LMNA: variants seen among roughly 807,000 people sequenced by gnomAD.
LMNA encodes the protein lamin.
LMNA carries 20 observed loss-of-function variants against 70.4 expected under a neutral mutation model. The observed-to-expected ratio is 0.28, with a 90% CI of 0.20 to 0.41. The LOEUF (loss-of-function observed/expected upper bound fraction) is 0.41, where lower values mean the gene tolerates loss of function less well. Among genes scored for constraint, LMNA ranks in the 10% least tolerant of loss-of-function variants. The pLI is 1.00. For missense variants in LMNA, 652 were observed against 917.2 expected (o/e 0.71, Z 3.73); for synonymous variants, 339 against 372.8 (o/e 0.91, Z 1.04).
At chr1:156,114,703 G>C (rs1224195629), upstream of LMNA, 1 of 542,754 alleles carries the variant, frequency 1.8e-6, no homozygotes, top group African/African-American at 2.0e-5. Context: ...CCCCGGCGTC[G>C]GTGACTCAGT....
At chr1:156,127,674 G>A (rs1044286026) in intron 1 of LMNA, among the ~76,000 whole-genome samples, 7 of 144,054 alleles carry the variant, frequency 4.9e-5, no homozygotes, top group Admixed American at 2.8e-4. Flanking sequence ...GCACACCACC[G>A]TACCCAGCTA....
At chr1:156,127,997 T>TA (rs1156348389) in intron 1 of LMNA, among the ~76,000 whole-genome samples, 1 of 152,066 alleles carries the variant, frequency 6.6e-6, no homozygotes, top group Non-Finnish European at 1.5e-5. Flanking sequence ...GCCCCCTTAC[T>TA]TTCCTTGGAG....
chr1:156,138,477 TCC>T lies in LMNA; in HGVS notation c.1699-9_1699-8del, dbSNP rs1572369030. 3 of 1,611,308 alleles carry T rather than the reference TCC, an allele frequency of 1.9e-6. No homozygotes were observed. Among genetic ancestry groups the T allele is most frequent in the Non-Finnish European group, 2.5e-6 (3 of 1,179,522 alleles). The stretch of plus-strand genomic sequence containing the variant: ...CTCGCCGTCCCGCCTGAGCCTTGTC[TCC>T]CTTCCCAGGGCTCCCACTGCAGCAG... On this transcript the variant is annotated splice_polypyrimidine_tract_variant and intron_variant, in intron 10 of 11. Coordinates refer to ENST00000368300, the MANE Select transcript of LMNA (RefSeq NM_170707.4). The surrounding 1 kb of genome is among the most constrained non-coding windows in gnomAD (Gnocchi z 5.5).
intron 3 of LMNA, among the ~76,000 whole-genome samples, chr1:156,102,918 C>T (rs1454846188): frequency 1.3e-5 from 2 of 152,176 alleles, no homozygotes; most frequent in East Asian, 3.8e-4. Context: ...TGCTGCGTCC[C>T]GGCCCACCCT....
At chr1:156,094,639 G>A (rs1572315302) in intron 3 of LMNA, among the ~76,000 whole-genome samples, 1 of 152,028 alleles carries the variant, frequency 6.6e-6, no homozygotes, top group South Asian at 2.1e-4. Flanking sequence ...GTGAGCCACC[G>A]CACCTGGCCA....
intron 3 of LMNA, among the ~76,000 whole-genome samples, chr1:156,091,504 A>T (rs1648701632): frequency 6.6e-6 from 1 of 152,140 alleles, no homozygotes; most frequent in Admixed American, 6.5e-5. Flanking sequence ...CAGGAGGCTG[A>T]GGCAGGAGAA....
intron 3 of LMNA, among the ~76,000 whole-genome samples, chr1:156,091,420 T>C (rs1335937286): frequency 6.6e-6 from 1 of 152,078 alleles, no homozygotes; most frequent in Non-Finnish European, 1.5e-5. Context: ...CTGACCAACA[T>C]GGAGAAACCC....
intron 3 of LMNA, among the ~76,000 whole-genome samples, chr1:156,098,142 A>T (rs997755608): frequency 1.3e-5 from 2 of 152,240 alleles, no homozygotes; most frequent in African/African-American, 4.8e-5. Context: ...GGGCCTTGAT[A>T]GCATGCAAGA....
chr1:156,126,932 T>C, intron 1 of LMNA: 1 of 1,576,604 alleles, frequency 6.3e-7, no homozygotes, highest in Admixed American at 1.9e-5. Context: ...ACTAGAGGAT[T>C]TCCCGACCCC....
At chr1:156,131,346 G>T (rs564013280) in intron 2 of LMNA, among the ~76,000 whole-genome samples, 2 of 152,196 alleles carry the variant, frequency 1.3e-5, no homozygotes, top group Admixed American at 1.3e-4. Flanking sequence ...CCAGCATTTT[G>T]GGAGGCCAAG....
At chr1:156,101,156 A>C (rs1488900373) in intron 3 of LMNA, among the ~76,000 whole-genome samples, 5 of 152,164 alleles carry the variant, frequency 3.3e-5, no homozygotes, top group Non-Finnish European at 7.3e-5. Flanking sequence ...CTGTTAGTTT[A>C]AAGTCTTCTG....
Position 156,136,845 on chromosome 1 carries a change from C to G in LMNA, c.1381-76C>G. The G allele has an allele frequency of 8.1e-7, 1 of 1,240,362 alleles. No homozygotes were observed. Among genetic ancestry groups the G allele is most frequent in the Non-Finnish European group, 1.2e-6 (1 of 863,052 alleles). 76.8% of individuals were successfully genotyped at this position (1,240,362 alleles called of 1,614,324 possible). On this transcript the variant is annotated intron_variant, in intron 7 of 11. Transcript: ENST00000368300. The surrounding 1 kb of genome is among the most constrained non-coding windows in gnomAD (Gnocchi z 6.1). ...GCCTCAATTGCAGGCAGGCAGAGGG[C>G]TGGGCCTTTGAGCAAGATACACCCA...
At chr1:156,083,671 C>G (rs905892524) in intron 2 of LMNA, 1 of 152,180 alleles carries the variant, frequency 6.6e-6, no homozygotes, top group Non-Finnish European at 1.5e-5. Flanking sequence ...AGCATGGTGG[C>G]AGACGCCTGT....
intron 1 of LMNA, among the ~76,000 whole-genome samples, chr1:156,120,834 G>A (rs1188707950): frequency 1.3e-5 from 2 of 152,114 alleles, no homozygotes; most frequent in South Asian, 2.1e-4. Context: ...ATCGTGAGAC[G>A]GTCAGAGCTC....
At position 156,136,705 on chromosome 1, in the gene LMNA, A is replaced by G. The variant is rs1651669407; in HGVS notation, c.1381-216A>G. The G allele has an allele frequency of 2.1e-5, 14 of 673,468 alleles. No individual in the cohort carries two copies. In the South Asian group the frequency reaches 2.1e-4, roughly 10 times the overall value. The allele number at this position is 673,468 out of a possible 1,614,324, so 41.7% of individuals were successfully genotyped here. A position where few individuals can be genotyped will look rare whatever the true frequency, so the allele number is the denominator to read the frequency against. ...CTGATCCCTAAGTCTTTGAGTTGTC[A>G]GGAAGATGAAAGATAAGGTATCCGT... On this transcript the variant is annotated intron_variant, in intron 7 of 11. Coordinates refer to ENST00000368300, the MANE Select transcript of LMNA (RefSeq NM_170707.4). The surrounding 1 kb of genome is among the most constrained non-coding windows in gnomAD (Gnocchi z 6.1).
chr1:156,139,547 C>G lies in LMNA; in HGVS notation c.*441C>G. ...GGCATAGAGGCTTCTCCGCCAGCCT[C>G]CTCTGGACGGCAGGCTCACTGCCAG... On this transcript the variant is annotated 3_prime_UTR_variant, in exon 12 of 12. Transcript: ENST00000368300. The G allele has an allele frequency of 7.2e-7, 1 of 1,383,002 alleles. No individual in the cohort carries two copies. The highest frequency in any genetic ancestry group is 9.3e-7 in the Non-Finnish European group (1 of 1,072,122). 85.7% of individuals were successfully genotyped at this position (1,383,002 alleles called of 1,614,324 possible). A position where few individuals can be genotyped will look rare whatever the true frequency, so the allele number is the denominator to read the frequency against.
intron 1 of LMNA, chr1:156,123,027 G>A (rs1650308241): frequency 6.6e-6 from 1 of 152,308 alleles, no homozygotes; most frequent in African/African-American, 2.4e-5. Flanking sequence ...CAGGGGCGCT[G>A]AGTCATGGTA....
At chr1:156,096,065 C>G (rs1230211158) in intron 3 of LMNA, among the ~76,000 whole-genome samples, 2 of 152,198 alleles carry the variant, frequency 1.3e-5, no homozygotes, top group Admixed American at 6.5e-5. Flanking sequence ...TTTTATGTTG[C>G]TTTGCTTTTG....
At chr1:156,106,113 A>T (rs1284696054) in intron 3 of LMNA, among the ~76,000 whole-genome samples, 1 of 151,058 alleles carries the variant, frequency 6.6e-6, no homozygotes, top group Non-Finnish European at 1.5e-5. Flanking sequence ...CCAGCCTGGG[A>T]GACACAGCGA....
Sources: gnomAD v4.1 joint callset for allele counts (sites outside exome capture counted in the v4.1 genomes callset) on GRCh38, gnomAD v4.1.1 for gene constraint, Gnocchi (gnomAD v3.1) non-coding constraint, MANE v1.5 for transcripts, NCBI Gene and HGNC (gene_info 2026-07-23, HGNC 2026-07-21) for gene names.